Variants in FAM107B observed in about 807,000 individuals in gnomAD.
The protein encoded by FAM107B is family with sequence similarity 107 member B.
In FAM107B, 21 loss-of-function variants were observed where a neutral mutation model predicts 31.5. That is an observed-to-expected ratio of 0.67 (90% CI 0.47 to 0.96). FAM107B has a LOEUF of 0.96. Ranked by LOEUF, FAM107B falls within the 40% of genes least tolerant of loss-of-function variation. The pLI, the probability that FAM107B is intolerant of heterozygous loss-of-function variation, is 0.00. For synonymous variants in FAM107B, 157 were observed against 141.5 expected, an observed-to-expected ratio of 1.11 and a Z score of -0.78; for missense variants, 452 against 377.1, an observed-to-expected ratio of 1.20 and a Z score of -1.64.
At chr10:14,756,942 T>C (rs1324840242) in intron 1 of FAM107B, among the ~76,000 whole-genome samples, 1 of 152,146 alleles carries the variant, frequency 6.6e-6, no homozygotes, top group Non-Finnish European at 1.5e-5. Context: ...TTCTTACTTA[T>C]AAGTGGGAGC....
At chr10:14,603,979 C>T (rs1852494941) in intron 2 of FAM107B, among the ~76,000 whole-genome samples, 1 of 147,934 alleles carries the variant, frequency 6.8e-6, no homozygotes, top group Non-Finnish European at 1.5e-5. Context: ...GGGCCCCTTC[C>T]CCGCAGCGGC....
intron 2 of FAM107B, among the ~76,000 whole-genome samples, chr10:14,577,675 A>G (rs1851507860): frequency 6.6e-6 from 1 of 152,196 alleles, no homozygotes; most frequent in Admixed American, 6.5e-5. Flanking sequence ...GCTCATTTCC[A>G]AGTGCCAAGC....
At chr10:14,525,160 G>A (rs537671858) in intron 3 of FAM107B, among the ~76,000 whole-genome samples, 1 of 152,256 alleles carries the variant, frequency 6.6e-6, no homozygotes, top group South Asian at 2.1e-4. Context: ...AGATAGTGTC[G>A]ACAGACAGAA....
intron 2 of FAM107B, among the ~76,000 whole-genome samples, chr10:14,586,410 A>G (rs1253694094): frequency 3.3e-5 from 5 of 152,144 alleles, no homozygotes; most frequent in African/African-American, 2.4e-5. Flanking sequence ...TATGGACTGA[A>G]TATTTTTTCC....
chr10:14,582,433 G>A (rs1223939716), intron 2 of FAM107B, among the ~76,000 whole-genome samples: 1 of 137,722 alleles, frequency 7.3e-6, no homozygotes, highest in Non-Finnish European at 1.5e-5. Flanking sequence ...CTGGAGTGCA[G>A]TGGCACAATC....
intron 1 of FAM107B, among the ~76,000 whole-genome samples, chr10:14,673,600 G>C (rs2131483077): frequency 6.6e-6 from 1 of 152,308 alleles, no homozygotes; most frequent in East Asian, 1.9e-4. Context: ...ATAAACACGA[G>C]AGTGTAGATA....
intron 1 of FAM107B, among the ~76,000 whole-genome samples, chr10:14,696,847 T>C (rs1855277979): frequency 6.6e-6 from 1 of 152,168 alleles, no homozygotes; most frequent in African/African-American, 2.4e-5. Flanking sequence ...CGAGGTCCCG[T>C]AGGCTGTGCC....
At chr10:14,703,491 A>G (rs1407384170) in intron 1 of FAM107B, among the ~76,000 whole-genome samples, 1 of 150,804 alleles carries the variant, frequency 6.6e-6, no homozygotes, top group African/African-American at 2.4e-5. Context: ...GTGCGTCATC[A>G]CCCCTGCTAA....
chr10:14,567,595 G>C (rs1171732475), intron 2 of FAM107B, among the ~76,000 whole-genome samples: 1 of 152,190 alleles, frequency 6.6e-6, no homozygotes, highest in African/African-American at 2.4e-5. Context: ...GACAGGCATG[G>C]GTGGGCCGCC....
chr10:14,701,563 T>G (rs2131524699), intron 1 of FAM107B, among the ~76,000 whole-genome samples: 1 of 152,218 alleles, frequency 6.6e-6, no homozygotes, highest in Non-Finnish European at 1.5e-5. Flanking sequence ...TCATTTTAAA[T>G]AGTCCTCACA....
Position 14,541,040 on chromosome 10 carries a change from T to G in FAM107B, c.470-10525A>C, listed in dbSNP as rs115140671. The stretch of plus-strand genomic sequence containing the variant: ...CCTCGCAGTCTTCCCTTAACTTCCT[T>G]ATTTCTCCCAAAGGTTCTATCTCAC... On this transcript the variant is annotated intron_variant, in intron 2 of 4. Transcript: ENST00000181796. Among the ~76,000 whole-genome samples, 834 of 152,274 alleles carry G rather than the reference T, an allele frequency of 5.5e-3. 12 individuals carry two copies. The highest frequency in any genetic ancestry group is 0.019 in the African/African-American group (798 of 41,546).
At chr10:14,605,404 T>C (rs937168648) in intron 2 of FAM107B, among the ~76,000 whole-genome samples, 3 of 152,108 alleles carry the variant, frequency 2.0e-5, no homozygotes, top group African/African-American at 4.8e-5. Context: ...GGACAACAGG[T>C]TCGTGGATTT....
chr10:14,613,385 G>C (rs754390683), intron 2 of FAM107B, among the ~76,000 whole-genome samples: 1 of 152,152 alleles, frequency 6.6e-6, no homozygotes, highest in Non-Finnish European at 1.5e-5. Context: ...TTCTTAGCTT[G>C]ATTTGGAGAG....
At chr10:14,676,467 A>G (rs1437130343) in intron 1 of FAM107B, among the ~76,000 whole-genome samples, 2 of 152,228 alleles carry the variant, frequency 1.3e-5, no homozygotes, top group Non-Finnish European at 2.9e-5. Context: ...ACAGGTGTTT[A>G]TTAAACAATT....
intron 1 of FAM107B, among the ~76,000 whole-genome samples, chr10:14,716,087 G>A (rs145333400): frequency 1.3e-5 from 2 of 152,268 alleles, no homozygotes; most frequent in African/African-American, 2.4e-5. Flanking sequence ...GTATATAGAA[G>A]CCCTATTGGT....
chr10:14,691,958 C>T (rs1345832748), intron 1 of FAM107B, among the ~76,000 whole-genome samples: 1 of 151,188 alleles, frequency 6.6e-6, no homozygotes, highest in Non-Finnish European at 1.5e-5. Flanking sequence ...GCATCTGGAG[C>T]GAAGACCCCA....
In FAM107B at chr10:14,673,102, G is replaced by A. The variant is rs369578440; in HGVS notation, c.412-5411C>T. Among the ~76,000 whole-genome samples the A allele has an allele frequency of 2.8e-4, 42 of 152,276 alleles. No individual in the cohort carries two copies. The South Asian group carries it at 6.0e-3, about 22-fold the overall frequency. ...GCAAAGCAGGGTAATTAGCCTGTCC[G>A]TCACCTCAAACATCCATCATTTCTT... On this transcript the variant is annotated intron_variant, in intron 1 of 4. Transcript: ENST00000181796.
At chr10:14,741,026 C>T (rs1158672509) in intron 1 of FAM107B, among the ~76,000 whole-genome samples, 3 of 152,088 alleles carry the variant, frequency 2.0e-5, no homozygotes, top group Admixed American at 2.0e-4. Flanking sequence ...CCTGATTGGG[C>T]CCTGAGAACA....
chr10:14,696,551 G>A (rs1855270213), intron 1 of FAM107B, among the ~76,000 whole-genome samples: 1 of 151,990 alleles, frequency 6.6e-6, no homozygotes. Context: ...GAGGTGGTGG[G>A]GGGTAAAGAA....
Sources: gnomAD v4.1 joint callset for allele counts (sites outside exome capture counted in the v4.1 genomes callset) on GRCh38, gnomAD v4.1.1 for gene constraint, MANE v1.5 for transcripts, NCBI Gene and HGNC (gene_info 2026-07-23, HGNC 2026-07-21) for gene names.